Variants in SLC14A2 observed in about 807,000 individuals in gnomAD.
SLC14A2 encodes solute carrier family 14 member 2, also known as urea transporter 2.
SLC14A2 carries 91 observed loss-of-function variants against 104.6 expected under a neutral mutation model. The ratio of observed to expected loss-of-function variants is 0.87; its 90% CI spans 0.73 to 1.04. SLC14A2 has a LOEUF of 1.04. SLC14A2 is among the 50% of genes least tolerant of loss of function. The pLI is 0.00. For missense variants in SLC14A2, 1,189 were observed against 1,156.0 expected, an observed-to-expected ratio of 1.03 and a Z score of -0.41; for synonymous variants, 476 against 466.4, an observed-to-expected ratio of 1.02 and a Z score of -0.27.
chr18:45,563,944 T>C (rs1468052207), intron 2 of SLC14A2, among the ~76,000 whole-genome samples: 2 of 152,240 alleles, frequency 1.3e-5, no homozygotes, highest in African/African-American at 2.4e-5. Context: ...GGGCATTTTT[T>C]CTTTCACAGC....
intron 2 of SLC14A2, among the ~76,000 whole-genome samples, chr18:45,519,432 C>G (rs2043486486): frequency 1.3e-5 from 2 of 152,214 alleles, no homozygotes; most frequent in Admixed American, 6.5e-5. Context: ...TGCCCATTCA[C>G]AGAGTCTCCA....
chr18:45,248,911 G>A (rs2084393751), intron 1 of SLC14A2, among the ~76,000 whole-genome samples: 1 of 152,190 alleles, frequency 6.6e-6, no homozygotes, highest in African/African-American at 2.4e-5. Flanking sequence ...GCGGGGTGGA[G>A]GGAAATGAGA....
chr18:45,264,592 A>C (rs1230652465), intron 1 of SLC14A2, among the ~76,000 whole-genome samples: 1 of 152,166 alleles, frequency 6.6e-6, no homozygotes, highest in Non-Finnish European at 1.5e-5. Context: ...TCACAGTGAA[A>C]GGCAAAGGAG....
At chr18:45,567,972 C>T (rs940587356) in intron 2 of SLC14A2, among the ~76,000 whole-genome samples, 8 of 152,268 alleles carry the variant, frequency 5.3e-5, no homozygotes, top group South Asian at 2.1e-4. Flanking sequence ...AGGCTTGACC[C>T]GGGCGGTTCT....
Position 45,682,328 on chromosome 18 carries a change from C to T in SLC14A2, c.2572C>T (p.Pro858Ser), listed in dbSNP as rs894807783. 2 of 1,613,980 alleles carry T rather than the reference C, an allele frequency of 1.2e-6. No individual in the cohort carries two copies. The highest frequency in any genetic ancestry group is 2.7e-5 in the African/African-American group (2 of 74,924). Residue 858 changes from proline (P) to serine (S), a missense_variant, in exon 20 of 20, where the codon CCG becomes TCG. By Grantham distance (74) the Pro-to-Ser change is moderately conservative. Transcript: ENST00000255226. ...LANMLSVFGLPPCTWPFCLSA... is the reference protein window; with the variant it reads ...LANMLSVFGLSPCTWPFCLSA... ...TGTTCTTTCTCTCCAGTTTGGATTG[C>T]CGCCCTGCACTTGGCCCTTCTGTCT...
At chr18:45,445,540 T>C (rs1029747542) in intron 1 of SLC14A2, among the ~76,000 whole-genome samples, 2 of 152,214 alleles carry the variant, frequency 1.3e-5, no homozygotes, top group Non-Finnish European at 2.9e-5. Context: ...TGTGTAAACT[T>C]GGGGAGATTG....
At chr18:45,475,661 A>T (rs1420109966) in intron 1 of SLC14A2, among the ~76,000 whole-genome samples, 2 of 101,184 alleles carry the variant, frequency 2.0e-5, no homozygotes, top group African/African-American at 4.6e-5. Context: ...ATATATATAT[A>T]TATATATATA....
At chr18:45,376,155 T>C (rs538011748) in intron 1 of SLC14A2, among the ~76,000 whole-genome samples, 2 of 152,120 alleles carry the variant, frequency 1.3e-5, no homozygotes, top group Non-Finnish European at 2.9e-5. Context: ...TTTTCTGGAG[T>C]TAACCTCACT....
At chr18:45,609,175 T>C (rs1260211828) in intron 2 of SLC14A2, among the ~76,000 whole-genome samples, 1 of 152,140 alleles carries the variant, frequency 6.6e-6, no homozygotes, top group Non-Finnish European at 1.5e-5. Flanking sequence ...ATCTCCTCTT[T>C]AAGCTTGTTT....
chr18:45,413,051 G>T (rs2086231497), intron 1 of SLC14A2, among the ~76,000 whole-genome samples: 1 of 152,118 alleles, frequency 6.6e-6, no homozygotes, highest in Admixed American at 6.6e-5. Context: ...TTGTTTTTCT[G>T]AAATGCTTTT....
At position 45,591,941 on chromosome 18, in the gene SLC14A2, GT is replaced by G. The variant is rs1219716683; in HGVS notation, c.-34-32685del. ...TGGTAGACATGGGGAAGCATGCAGA[GT>G]TTTTGGAGCCCTGAGAAGCCTTTTG... On this transcript the variant is annotated intron_variant, in intron 2 of 20. Transcript: ENST00000586448. Among the ~76,000 whole-genome samples the G allele has an allele frequency of 2.6e-5, 4 of 152,350 alleles. No individual in the cohort carries two copies. In the East Asian group the frequency reaches 7.7e-4, roughly 29 times the overall value.
intron 1 of SLC14A2, among the ~76,000 whole-genome samples, chr18:45,265,416 G>A (rs1162774282): frequency 2.6e-5 from 4 of 152,136 alleles, no homozygotes; most frequent in Non-Finnish European, 5.9e-5. Flanking sequence ...CTCTGTCAGA[G>A]GCTAGGAAGT....
At chr18:45,665,714 T>TTTTTTTTTTTTTTTTTTTTTTTTTTTTG (rs1568000687) in intron 11 of SLC14A2, among the ~76,000 whole-genome samples, 1 of 110,490 alleles carries the variant, frequency 9.1e-6, no homozygotes, top group African/African-American at 3.1e-5. Flanking sequence ...TTTTTTTTTT[T>TTTTTTTTTTTTTTTTTTTTTTTTTTTTG]TTGTTCACCT....
intron 2 of SLC14A2, among the ~76,000 whole-genome samples, chr18:45,572,591 T>G (rs957079879): frequency 3.3e-5 from 5 of 152,238 alleles, no homozygotes; most frequent in Admixed American, 6.5e-5. Context: ...CTCCTCACTA[T>G]TCATCTATCT....
At chr18:45,401,199 A>C (rs2542964) in intron 1 of SLC14A2, among the ~76,000 whole-genome samples, 125,009 of 152,018 alleles carry the variant, frequency 0.82, 51,743 homozygotes, top group South Asian at 0.94. Context: ...AATTACAACC[A>C]CTGACATCAT....
In SLC14A2 at chr18:45,216,531, A is replaced by T. The variant is rs73956316; in HGVS notation, c.-125+3340A>T. On this transcript the variant is annotated intron_variant, in intron 1 of 20. Transcript: ENST00000586448. ...TCATTGAAATATATCGGTGTTGGAG[A>T]GGCCGTGTATTTTTTATTCTTCTCA... Among the ~76,000 whole-genome samples the T allele has an allele frequency of 4.1e-3, 626 of 152,124 alleles. 3 individuals carry two copies. The highest frequency in any genetic ancestry group is 0.014 in the African/African-American group (590 of 41,504).
intron 1 of SLC14A2, among the ~76,000 whole-genome samples, chr18:45,387,329 C>A (rs2085908662): frequency 6.6e-6 from 1 of 152,192 alleles, no homozygotes; most frequent in Non-Finnish European, 1.5e-5. Context: ...AGAATTAATT[C>A]TATGCCCTGC....
intron 1 of SLC14A2, among the ~76,000 whole-genome samples, chr18:45,390,596 A>AG (rs57042609): frequency 6.6e-6 from 1 of 151,686 alleles, no homozygotes; most frequent in African/African-American, 2.4e-5. Flanking sequence ...TACCTGAGAG[A>AG]ATAATAAAAG....
At chr18:45,296,811 T>A (rs115601960) in intron 1 of SLC14A2, among the ~76,000 whole-genome samples, 1 of 110,894 alleles carries the variant, frequency 9.0e-6, no homozygotes, top group Non-Finnish European at 1.9e-5. Context: ...TGAATGTATT[T>A]TTCCCAGGGT....
Sources: allele counts gnomAD v4.1 joint callset (sites outside exome capture counted in the v4.1 genomes callset), GRCh38; gene constraint gnomAD v4.1.1; transcripts MANE v1.5; gene names NCBI Gene and HGNC (gene_info 2026-07-23, HGNC 2026-07-21).